The following LMNTD1 variants were observed in gnomAD, a reference collection of about 807,000 sequenced individuals.
The protein encoded by LMNTD1 is lamin tail domain-containing protein 1.
In LMNTD1, 35 loss-of-function variants were observed where a neutral mutation model predicts 50.9. The observed-to-expected ratio is 0.69, with a 90% CI of 0.53 to 0.91. The LOEUF (loss-of-function observed/expected upper bound fraction) is 0.91. LMNTD1 is among the 40% of genes least tolerant of loss of function. The pLI is 0.00. For missense variants in LMNTD1, 470 were observed against 475.5 expected, an observed-to-expected ratio of 0.99 and a Z score of 0.11; for synonymous variants, 153 against 161.9, an observed-to-expected ratio of 0.94 and a Z score of 0.42.
At chr12:25,578,466 A>G (rs1945129142) in intron 1 of LMNTD1, among the ~76,000 whole-genome samples, 1 of 152,208 alleles carries the variant, frequency 6.6e-6, no homozygotes. Context: ...AAAGTAAAAT[A>G]TGATTTCAAT....
At chr12:25,608,680 T>C (rs1443954159) in intron 1 of LMNTD1, among the ~76,000 whole-genome samples, 1 of 152,236 alleles carries the variant, frequency 6.6e-6, no homozygotes, top group East Asian at 1.9e-4. Flanking sequence ...TTGTGGCTTG[T>C]AGGGGTTCTG....
intron 9 of LMNTD1, among the ~76,000 whole-genome samples, chr12:25,483,140 G>A (rs1466533038): frequency 1.3e-5 from 2 of 151,954 alleles, no homozygotes; most frequent in East Asian, 3.9e-4. Context: ...AAGTCTTAAT[G>A]TGGGCTGGGC....
At chr12:25,503,694 T>C in intron 9 of LMNTD1, 44 bp downstream of exon 9, 1 of 1,006,528 alleles carries the variant, frequency 9.9e-7, no homozygotes, top group Non-Finnish European at 1.6e-6. Flanking sequence ...TTTAGTCATA[T>C]TATTTTTCTG....
intron 1 of LMNTD1, among the ~76,000 whole-genome samples, chr12:25,613,904 A>G (rs1340995955): frequency 1.3e-5 from 2 of 151,926 alleles, no homozygotes; most frequent in African/African-American, 4.8e-5. Context: ...GCAGATTCCT[A>G]AATACAGCTG....
intron 1 of LMNTD1, among the ~76,000 whole-genome samples, chr12:25,593,479 C>A (rs532987136): frequency 6.6e-6 from 1 of 152,224 alleles, no homozygotes; most frequent in South Asian, 2.1e-4. Flanking sequence ...TACAGATCAG[C>A]TCTCAGGAAG....
intron 1 of LMNTD1, among the ~76,000 whole-genome samples, chr12:25,638,703 T>C (rs1252648435): frequency 6.6e-6 from 1 of 152,102 alleles, no homozygotes; most frequent in African/African-American, 2.4e-5. Flanking sequence ...ATGGAACACA[T>C]TGCATGTTGA....
chr12:25,495,627 G>T (rs771582941), intron 9 of LMNTD1, among the ~76,000 whole-genome samples: 1 of 152,118 alleles, frequency 6.6e-6, no homozygotes, highest in Admixed American at 6.5e-5. Context: ...ATAAAATGCT[G>T]CAAAAACACA....
At chr12:25,514,337 A>G (rs1288746055) in intron 8 of LMNTD1, among the ~76,000 whole-genome samples, 1 of 152,198 alleles carries the variant, frequency 6.6e-6, no homozygotes, top group African/African-American at 2.4e-5. Flanking sequence ...ATTTCATACC[A>G]TACATAAAAA....
intron 1 of LMNTD1, among the ~76,000 whole-genome samples, chr12:25,566,415 T>C (rs889550095): frequency 1.8e-4 from 27 of 152,370 alleles, no homozygotes; most frequent in Admixed American, 1.4e-3. Context: ...TGTGGTGCTA[T>C]AAATACGGAA....
At chr12:25,538,694 T>C (rs1197473280) in intron 4 of LMNTD1, among the ~76,000 whole-genome samples, 1 of 119,668 alleles carries the variant, frequency 8.4e-6, no homozygotes, top group Non-Finnish European at 1.9e-5. Flanking sequence ...GCTAACATCA[T>C]AATGACAGGA....
intron 1 of LMNTD1, among the ~76,000 whole-genome samples, chr12:25,630,075 G>C (rs571055098): frequency 1.3e-4 from 20 of 152,240 alleles, no homozygotes; most frequent in African/African-American, 4.1e-4. Flanking sequence ...GCCACTTTTG[G>C]GGGGAGGAGA....
chr12:25,529,395 C>A lies in LMNTD1; in HGVS notation c.492-2440G>T, dbSNP rs778686434. ...TCGGATCCACAGAAACAACTGACCACAAGATCTCAAAAGGTACCCCTGAAC... is the reference window on the plus strand; with the variant it reads ...TCGGATCCACAGAAACAACTGACCAAAAGATCTCAAAAGGTACCCCTGAAC... On this transcript the variant is annotated intron_variant, in intron 4 of 9. Transcript: ENST00000458174. Among the ~76,000 whole-genome samples the A allele has an allele frequency of 1.2e-4, 18 of 152,264 alleles. No individual in the cohort carries two copies. The Middle Eastern group carries it at 0.01, about 86-fold the overall frequency.
intron 4 of LMNTD1, among the ~76,000 whole-genome samples, chr12:25,535,306 G>A (rs1942505756): frequency 6.6e-6 from 1 of 151,758 alleles, no homozygotes; most frequent in African/African-American, 2.4e-5. Context: ...AAATAACAGA[G>A]CATTAGTAAA....
chr12:25,588,593 CA>C (rs1178669809), intron 1 of LMNTD1, among the ~76,000 whole-genome samples: 3 of 150,812 alleles, frequency 2.0e-5, no homozygotes, highest in African/African-American at 4.9e-5. Flanking sequence ...AATTGATTGT[CA>C]AAAAAAAATC....
chr12:25,627,210 C>A (rs1017533666), intron 1 of LMNTD1, among the ~76,000 whole-genome samples: 2 of 152,224 alleles, frequency 1.3e-5, no homozygotes, highest in African/African-American at 4.8e-5. Context: ...TTATAACTCA[C>A]AATAACTTAT....
Position 25,546,475 on chromosome 12 carries a change from C to T in LMNTD1, c.390G>A (p.Leu130=). 6.2e-7 allele frequency: 1 copy of T among 1,600,586 alleles called. No homozygotes were observed. The part of the protein sequence containing the change: ...IGDGEDYFLS[L]FGDSKKLTAH... ...CTGTAAGTTTCTTTGAATCACCAAA[C>T]AAAGAAAGGAAATAATCTTCTCCAT... is the stretch of plus-strand genomic sequence containing the variant. The change falls in exon 4 of 10, where the codon TTG becomes TTA. Residue 130 remains leucine, a synonymous_variant. Coordinates refer to ENST00000458174, the MANE Select transcript of LMNTD1 (RefSeq NM_001145728.2).
intron 1 of LMNTD1, among the ~76,000 whole-genome samples, chr12:25,602,813 C>G (rs1305617757): frequency 6.6e-6 from 1 of 151,972 alleles, no homozygotes; most frequent in East Asian, 1.9e-4. Context: ...AAAAAATCAG[C>G]TGAAACAAAC....
At chr12:25,484,665 C>G (rs1465973990) in intron 9 of LMNTD1, among the ~76,000 whole-genome samples, 1 of 125,784 alleles carries the variant, frequency 8.0e-6, no homozygotes. Flanking sequence ...TCCCCCCACC[C>G]CACCACAGTC....
In LMNTD1 at chr12:25,596,770, T is replaced by C. The variant is rs142685060; in HGVS notation, c.59-50216A>G. The stretch of plus-strand genomic sequence containing the variant: ...CAAATATACAGAAAAACACAGAACA[T>C]TATAACACCGTAACAGTGGTGTTTA... On this transcript the variant is annotated intron_variant, in intron 1 of 7. Transcript: ENST00000445693. Among the ~76,000 whole-genome samples the C allele has an allele frequency of 4.2e-3, 639 of 152,142 alleles. 5 individuals are homozygous for C. Among genetic ancestry groups the C allele is most frequent in the African/African-American group, 0.015 (629 of 41,534 alleles).
Sources: gnomAD v4.1 joint callset for allele counts (sites outside exome capture counted in the v4.1 genomes callset) on GRCh38, gnomAD v4.1.1 for gene constraint, MANE v1.5 for transcripts, NCBI Gene and HGNC (gene_info 2026-07-23, HGNC 2026-07-21) for gene names.